The following SHLD1 variants were observed in gnomAD, a reference collection of about 807,000 sequenced individuals.
The protein encoded by SHLD1 is RINN1-REV7-interacting novel NHEJ regulator 3.
A neutral mutation model predicts 5.5 loss-of-function variants in SHLD1; 3 were observed. That is an observed-to-expected ratio of 0.54 (90% CI 0.25 to 1.40). The LOEUF (loss-of-function observed/expected upper bound fraction) is 1.40. SHLD1 is among the 40% of genes most tolerant of loss of function. The pLI, the probability that SHLD1 is intolerant of heterozygous loss-of-function variation, is 0.15. For missense variants in SHLD1, 210 were observed against 244.4 expected, an observed-to-expected ratio of 0.86 and a Z score of 0.94; for synonymous variants, 92 against 94.3, an observed-to-expected ratio of 0.98 and a Z score of 0.14.
At chr20:5,829,527 T>G (rs2087704070) in intron 2 of SHLD1, among the ~76,000 whole-genome samples, 1 of 152,230 alleles carries the variant, frequency 6.6e-6, no homozygotes, top group Admixed American at 6.5e-5. Flanking sequence ...AAGGAAAACC[T>G]GCAAAAAAAT....
intron 2 of SHLD1, among the ~76,000 whole-genome samples, chr20:5,817,428 C>G (rs201110190): frequency 0.039 from 4,374 of 110,816 alleles, 67 homozygotes; most frequent in Non-Finnish European, 0.049. Context: ...CTCTCTCTCT[C>G]TCTCTGTGTG....
intron 1 of SHLD1, among the ~76,000 whole-genome samples, chr20:5,771,693 CA>C (rs1985163580): frequency 6.6e-6 from 1 of 151,716 alleles, no homozygotes; most frequent in South Asian, 2.1e-4. Flanking sequence ...CGGCTCACTA[CA>C]ACCTCCGTGT....
intron 2 of SHLD1, among the ~76,000 whole-genome samples, chr20:5,822,263 GC>G: frequency 6.6e-6 from 1 of 152,260 alleles, no homozygotes; most frequent in Non-Finnish European, 1.5e-5. Flanking sequence ...TTTGACACCA[GC>G]CCAGCCAACA....
At chr20:5,850,524 T>TG (rs1351683055) in intron 2 of SHLD1, among the ~76,000 whole-genome samples, 16 of 151,406 alleles carry the variant, frequency 1.1e-4, no homozygotes, top group African/African-American at 3.9e-4. Context: ...TTTTTTTTTT[T>TG]TTTTGAGATG....
chr20:5,818,079 C>CT lies in SHLD1; in HGVS notation c.179-44937dup, dbSNP rs561637557. Reference sequence around the variant, plus strand: ...TTTTCTCCTTTTTTTCTTTTTCTTTCTTTTTTTTATTTTTTTATTTTTTTT... The same window carrying CT: ...TTTTCTCCTTTTTTTCTTTTTCTTTCTTTTTTTTTATTTTTTTATTTTTTTT... On this transcript the variant is annotated intron_variant, in intron 2 of 2. Coordinates refer to ENST00000303142, the MANE Select transcript of SHLD1 (RefSeq NM_152504.4). Among the ~76,000 whole-genome samples the CT allele has an allele frequency of 2.4e-3, 368 of 151,460 alleles. 1 individual carries two copies. The highest frequency in any genetic ancestry group is 8.3e-3 in the African/African-American group (343 of 41,280).
chr20:5,764,217 GTGTATA>G (rs1324836109), intron 1 of SHLD1, among the ~76,000 whole-genome samples: 4 of 115,332 alleles, frequency 3.5e-5, no homozygotes, highest in African/African-American at 1.3e-4. Context: ...ATTTGTGTGT[GTGTATA>G]TATATATATA....
intron 1 of SHLD1, among the ~76,000 whole-genome samples, chr20:5,759,989 T>TACACACACAC (rs74281801): frequency 1.3e-5 from 2 of 150,440 alleles, no homozygotes; most frequent in Admixed American, 1.3e-4. Flanking sequence ...TGTATTTTTA[T>TACACACACAC]ACACACACAC....
At chr20:5,849,822 G>C (rs375936384) in intron 2 of SHLD1, among the ~76,000 whole-genome samples, 1 of 150,854 alleles carries the variant, frequency 6.6e-6, no homozygotes, top group African/African-American at 2.4e-5. Context: ...AGCCGGGCGC[G>C]GTGGCGGGCG....
chr20:5,804,999 A>T (rs1358574459), intron 2 of SHLD1, among the ~76,000 whole-genome samples: 1 of 152,218 alleles, frequency 6.6e-6, no homozygotes, highest in Non-Finnish European at 1.5e-5. Context: ...AGAGTTTACA[A>T]TACTAACCCC....
At chr20:5,787,084 A>G (rs2087070045) in intron 2 of SHLD1, among the ~76,000 whole-genome samples, 1 of 152,228 alleles carries the variant, frequency 6.6e-6, no homozygotes, top group Admixed American at 6.5e-5. Flanking sequence ...GCTTCAGTGC[A>G]TACACATTAA....
chr20:5,821,279 G>C (rs1248345495), intron 2 of SHLD1, among the ~76,000 whole-genome samples: 4 of 152,186 alleles, frequency 2.6e-5, no homozygotes, highest in Admixed American at 6.5e-5. Flanking sequence ...TTGGGAGGCT[G>C]AGGTGGGCGG....
chr20:5,753,915 C>T (rs938174643), intron 1 of SHLD1, among the ~76,000 whole-genome samples: 19 of 152,268 alleles, frequency 1.2e-4, no homozygotes, highest in African/African-American at 2.9e-4. Flanking sequence ...TCTCTTTTGC[C>T]TATTAGACTT....
intron 2 of SHLD1, among the ~76,000 whole-genome samples, chr20:5,840,780 C>G (rs547778097): frequency 9.2e-5 from 14 of 152,270 alleles, no homozygotes; most frequent in African/African-American, 3.1e-4. Flanking sequence ...TGTCTTTTTG[C>G]TTGAAGCAGC....
chr20:5,851,563 T>C (rs1265633385), intron 2 of SHLD1, among the ~76,000 whole-genome samples: 3 of 150,512 alleles, frequency 2.0e-5, no homozygotes, highest in Non-Finnish European at 3.0e-5. Flanking sequence ...GTGAGTAACA[T>C]AGGTCATTTT....
intron 2 of SHLD1, among the ~76,000 whole-genome samples, chr20:5,841,145 C>T (rs774042663): frequency 2.1e-4 from 32 of 151,382 alleles, no homozygotes; most frequent in Admixed American, 1.8e-3. Context: ...TTCTATGCCA[C>T]ATCCATAACT....
chr20:5,774,131 A>G (rs1169161207), intron 2 of SHLD1, among the ~76,000 whole-genome samples: 1 of 152,056 alleles, frequency 6.6e-6, no homozygotes, highest in East Asian at 1.9e-4. Flanking sequence ...TTGAACCCGG[A>G]AGGTGGAGGT....
At chr20:5,768,904 GTT>G (rs11475696) in intron 1 of SHLD1, among the ~76,000 whole-genome samples, 40 of 117,010 alleles carry the variant, frequency 3.4e-4, no homozygotes, top group Admixed American at 4.5e-4. Flanking sequence ...TCATGTAATT[GTT>G]TTTTTTTTTT....
At chr20:5,756,733 C>A in intron 1 of SHLD1, 1 of 216,388 alleles carries the variant, frequency 4.6e-6, no homozygotes, top group Non-Finnish European at 9.5e-6. Context: ...CTCTTGTAGC[C>A]CAAGCTGGAG....
At chr20:5,834,975 T>C (rs1225671220) in intron 2 of SHLD1, among the ~76,000 whole-genome samples, 1 of 152,168 alleles carries the variant, frequency 6.6e-6, no homozygotes, top group Non-Finnish European at 1.5e-5. Flanking sequence ...TGGCCCTATG[T>C]CTTAATACTA....
Sources: gnomAD v4.1 joint callset for allele counts (sites outside exome capture counted in the v4.1 genomes callset) on GRCh38, gnomAD v4.1.1 for gene constraint, MANE v1.5 for transcripts, NCBI Gene and HGNC (gene_info 2026-07-23, HGNC 2026-07-21) for gene names.